Variants in COL26A1 observed in about 807,000 individuals in gnomAD.
The protein encoded by COL26A1 is collagen type XXVI alpha 1 chain.
A neutral mutation model predicts 59.3 loss-of-function variants in COL26A1; 41 were observed. The observed-to-expected ratio is 0.69, with a 90% CI of 0.54 to 0.90. The LOEUF (loss-of-function observed/expected upper bound fraction) is 0.90, where lower values mean the gene tolerates loss of function less well. Among genes scored for constraint, COL26A1 ranks in the 40% least tolerant of loss-of-function variants. The pLI, the probability that COL26A1 is intolerant of heterozygous loss-of-function variation, is 0.00. For missense variants in COL26A1, 612 were observed against 602.3 expected (o/e 1.02, Z -0.17); for synonymous variants, 266 against 256.0 (o/e 1.04, Z -0.37).
At chr7:101,465,248 G>A (rs1028060931) in intron 3 of COL26A1, among the ~76,000 whole-genome samples, 4 of 151,798 alleles carry the variant, frequency 2.6e-5, no homozygotes, top group African/African-American at 9.7e-5. Context: ...CTATGTTGCT[G>A]AGGCTGCTCT....
rs748535018 is a variant in COL26A1 at position 101,551,139 on chromosome 7, C to T, written c.1025C>T (p.Pro342Leu). The T allele has an allele frequency of 2.3e-5, 36 of 1,538,818 alleles. No homozygotes were observed. The highest frequency in any genetic ancestry group is 2.6e-5 in the Non-Finnish European group (30 of 1,139,216). The change falls in exon 10 of 13, where the codon CCG becomes CTG. Residue 342 changes from proline to leucine, a missense_variant. Physicochemically the swap from Pro to Leu is moderately conservative, Grantham distance 98. Coordinates refer to ENST00000313669, the MANE Select transcript of COL26A1 (RefSeq NM_001278563.3). Reference protein sequence around the residue: ...GLAGERGTVGPSGEPGVKGEE... With the variant: ...GLAGERGTVGLSGEPGVKGEE... ...GCTGGAGAGCGAGGCACAGTGGGGC[C>T]GTCCGTAAGTGTGGGCTGTGCAGAT...
intron 1 of COL26A1, among the ~76,000 whole-genome samples, chr7:101,375,994 A>AC (rs1412373195): frequency 6.7e-6 from 1 of 150,028 alleles, no homozygotes; most frequent in Non-Finnish European, 1.5e-5. Context: ...TCAAAGAAAA[A>AC]AAAAAAAAAA....
chr7:101,505,616 G>A (rs1347498124), intron 3 of COL26A1, among the ~76,000 whole-genome samples: 1 of 152,210 alleles, frequency 6.6e-6, no homozygotes, highest in Non-Finnish European at 1.5e-5. Flanking sequence ...CAGCATGGGA[G>A]AAGGATATAG....
chr7:101,434,591 T>C (rs1792871489), intron 2 of COL26A1, among the ~76,000 whole-genome samples: 1 of 151,260 alleles, frequency 6.6e-6, no homozygotes, highest in Non-Finnish European at 1.5e-5. Flanking sequence ...AATATTAGAA[T>C]GTTGTATTGT....
chr7:101,476,947 G>A (rs1794062949), intron 3 of COL26A1, among the ~76,000 whole-genome samples: 1 of 146,166 alleles, frequency 6.8e-6, no homozygotes, highest in African/African-American at 2.5e-5. Context: ...GGGTTCAAGT[G>A]ATTCTCCTGC....
chr7:101,484,629 A>C (rs889171561), intron 3 of COL26A1, among the ~76,000 whole-genome samples: 2 of 151,752 alleles, frequency 1.3e-5, no homozygotes, highest in African/African-American at 4.8e-5. Flanking sequence ...TCAGCCTCCC[A>C]AAGTGCTGGA....
intron 3 of COL26A1, among the ~76,000 whole-genome samples, chr7:101,453,723 C>T (rs1793400172): frequency 6.6e-6 from 1 of 152,150 alleles, no homozygotes; most frequent in Non-Finnish European, 1.5e-5. Flanking sequence ...TTGGGATCGG[C>T]TCCTGAAAAC....
At chr7:101,399,197 T>C (rs1043880840) in intron 1 of COL26A1, among the ~76,000 whole-genome samples, 8 of 151,940 alleles carry the variant, frequency 5.3e-5, no homozygotes, top group African/African-American at 1.9e-4. Flanking sequence ...TCTCAGCTGC[T>C]CAGGAGGCTG....
chr7:101,447,833 G>C, intron 3 of COL26A1, 46 bp downstream of exon 3: 1 of 1,244,382 alleles, frequency 8.0e-7, no homozygotes. Flanking sequence ...GCGTGGGCCA[G>C]GCTGGAGTTT....
chr7:101,528,642 G>A (rs1795299754), intron 3 of COL26A1, among the ~76,000 whole-genome samples: 1 of 151,864 alleles, frequency 6.6e-6, no homozygotes, highest in African/African-American at 2.4e-5. Flanking sequence ...CAACCTTCTG[G>A]ACTCAGGTGA....
chr7:101,555,685 G>C, intron 11 of COL26A1, 102 bp from the exon 12 acceptor site: 4 of 742,736 alleles, frequency 5.4e-6, no homozygotes, highest in Non-Finnish European at 9.0e-6. Flanking sequence ...GGAAGAGGCA[G>C]GGGTGGGGGG....
Position 101,416,951 on chromosome 7 carries a change from C to T in COL26A1, c.159-3026C>T, listed in dbSNP as rs112931553. On this transcript the variant is annotated intron_variant, in intron 1 of 12. Transcript: ENST00000313669. ...AGATACAGTGTTTCACCATGTTGCC[C>T]AGGCTGGTCTAAACTCCTGGGGTCA... is the stretch of plus-strand genomic sequence containing the variant. 1.9e-3 allele frequency among the ~76,000 whole-genome samples: 200 copies of T among 105,290 alleles called. 11 individuals carry two copies. Among genetic ancestry groups the T allele is most frequent in the African/African-American group, 5.4e-3 (191 of 35,606 alleles). The allele number at this position is 105,290 out of a possible 152,430, so 69.1% of individuals were successfully genotyped here.
intron 2 of COL26A1, among the ~76,000 whole-genome samples, chr7:101,431,239 G>A (rs1005861793): frequency 6.6e-6 from 1 of 152,028 alleles, no homozygotes; most frequent in African/African-American, 2.4e-5. Context: ...TTAAATGTAA[G>A]GTTTTCTTTT....
chr7:101,393,414 G>A (rs1584367799), intron 1 of COL26A1, among the ~76,000 whole-genome samples: 1 of 152,106 alleles, frequency 6.6e-6, no homozygotes, highest in East Asian at 1.9e-4. Context: ...AGAAAGATGT[G>A]GGCTGGGAGG....
chr7:101,507,697 C>A (rs1000607040), intron 3 of COL26A1, among the ~76,000 whole-genome samples: 1 of 152,060 alleles, frequency 6.6e-6, no homozygotes, highest in Non-Finnish European at 1.5e-5. Context: ...GGATTACTGG[C>A]GTGAGCCACC....
intron 1 of COL26A1, among the ~76,000 whole-genome samples, chr7:101,364,901 C>A (rs1791005481): frequency 6.6e-6 from 1 of 152,140 alleles, no homozygotes; most frequent in Non-Finnish European, 1.5e-5. Flanking sequence ...TACTGCTCTG[C>A]CTATCAAAGC....
chr7:101,418,866 A>C (rs901110387), intron 1 of COL26A1, among the ~76,000 whole-genome samples: 3 of 150,768 alleles, frequency 2.0e-5, no homozygotes, highest in African/African-American at 7.3e-5. Flanking sequence ...CCTCCTCTCC[A>C]CTGCCCAAGC....
At chr7:101,434,120 T>C (rs1375690304) in intron 2 of COL26A1, among the ~76,000 whole-genome samples, 3 of 136,226 alleles carry the variant, frequency 2.2e-5, no homozygotes, top group Admixed American at 7.5e-5. Context: ...TCTTTTTCTT[T>C]CTTTCTTTCT....
chr7:101,490,061 C>G (rs1794424744), intron 3 of COL26A1, among the ~76,000 whole-genome samples: 2 of 150,874 alleles, frequency 1.3e-5, no homozygotes, highest in African/African-American at 4.9e-5. Flanking sequence ...CTCAGCCTCT[C>G]AAGTAGCTGG....
Sources: gnomAD v4.1 joint callset for allele counts (sites outside exome capture counted in the v4.1 genomes callset) on GRCh38, gnomAD v4.1.1 for gene constraint, MANE v1.5 for transcripts, NCBI Gene and HGNC (gene_info 2026-07-23, HGNC 2026-07-21) for gene names.